The following AFF3 variants were observed in gnomAD, a reference collection of about 807,000 sequenced individuals.
AFF3 encodes ALF transcription elongation factor 3.
Under a neutral mutation model 129.7 loss-of-function variants are expected in AFF3, and 32 were observed. That is an observed-to-expected ratio of 0.25 (90% confidence interval 0.19 to 0.33). The LOEUF is 0.33. AFF3 is among the 10% of genes least tolerant of loss of function. The probability of loss-of-function intolerance (pLI) is 1.00; values close to 1 mark genes in which losing one functional copy is unlikely to be tolerated. For missense variants in AFF3, 1,373 were observed against 1,592.0 expected (o/e 0.86, Z 2.34); for synonymous variants, 644 against 635.4 (o/e 1.01, Z -0.20).
At chr2:99,998,462 G>A (rs146892072) in intron 7 of AFF3, among the ~76,000 whole-genome samples, 21 of 152,134 alleles carry the variant, frequency 1.4e-4, no homozygotes, top group African/African-American at 2.9e-4. Flanking sequence ...GGTCTTCATC[G>A]CTGATGGAGA....
intron 4 of AFF3, among the ~76,000 whole-genome samples, chr2:100,083,779 C>G (rs1020084713): frequency 5.9e-5 from 9 of 152,116 alleles, no homozygotes; most frequent in African/African-American, 1.9e-4. Flanking sequence ...GTTAAGGATC[C>G]TCAGCTTTAC....
At chr2:99,669,088 C>A (rs1421407049) in intron 12 of AFF3, among the ~76,000 whole-genome samples, 1 of 152,152 alleles carries the variant, frequency 6.6e-6, no homozygotes, top group East Asian at 1.9e-4. Context: ...TCGACTGGTA[C>A]AACCATTTTG....
chr2:99,947,557 G>A (rs1322565342), intron 7 of AFF3, among the ~76,000 whole-genome samples: 10 of 135,664 alleles, frequency 7.4e-5, no homozygotes, highest in African/African-American at 3.2e-4. Context: ...AAGAAAGAGA[G>A]AGAAAGAGAA....
Position 99,549,869 on chromosome 2 carries a change from A to G in AFF3, c.*1605T>C, listed in dbSNP as rs1056445112. On this transcript the variant is annotated 3_prime_UTR_variant, in exon 25 of 25. Coordinates refer to ENST00000672756, the MANE Select transcript of AFF3 (RefSeq NM_001386135.1). ...CCTGTAAGAATATCAGTGAATGTTTATGGATCAGCATCTAGTCTAAGTATT... is the reference window on the plus strand; with the variant it reads ...CCTGTAAGAATATCAGTGAATGTTTGTGGATCAGCATCTAGTCTAAGTATT... 3 of 225,376 alleles carry G rather than the reference A, an allele frequency of 1.3e-5. No homozygotes were observed. The highest frequency in any genetic ancestry group is 6.7e-5 in the African/African-American group (3 of 44,932). 14.0% of individuals were successfully genotyped at this position (225,376 alleles called of 1,614,324 possible).
intron 4 of AFF3, among the ~76,000 whole-genome samples, chr2:100,009,290 C>T (rs575520382): frequency 2.6e-4 from 40 of 151,558 alleles, no homozygotes; most frequent in African/African-American, 9.0e-4. Flanking sequence ...TTCTCTATGA[C>T]AGAGCTTCTG....
Position 100,105,711 on chromosome 2 carries a change from C to T in AFF3, c.-144-128G>A, listed in dbSNP as rs927023061. The T allele has an allele frequency of 5.9e-6, 8 of 1,360,202 alleles. No individual in the cohort carries two copies. The African/African-American group carries it at 7.3e-5, about 12-fold the overall frequency. 84.3% of individuals were successfully genotyped at this position (1,360,202 alleles called of 1,614,324 possible). A position where few individuals can be genotyped will look rare whatever the true frequency, so the allele number is the denominator to read the frequency against. On this transcript the variant is annotated intron_variant, in intron 2 of 24. Transcript: ENST00000672756. ...TGAGAAGCGCATGTCTCCATCAGGGCCCTACCTCTGCTTCTCCACAGTTGG... is the reference window on the plus strand; with the variant it reads ...TGAGAAGCGCATGTCTCCATCAGGGTCCTACCTCTGCTTCTCCACAGTTGG...
At chr2:99,724,867 C>T (rs980763417) in intron 11 of AFF3, among the ~76,000 whole-genome samples, 20 of 152,242 alleles carry the variant, frequency 1.3e-4, no homozygotes, top group South Asian at 4.1e-4. Flanking sequence ...CCTAAGAAAC[C>T]GTTTTGCTCA....
At chr2:99,618,158 G>T (rs957209367) in intron 13 of AFF3, among the ~76,000 whole-genome samples, 6 of 151,538 alleles carry the variant, frequency 4.0e-5, no homozygotes, top group African/African-American at 1.5e-4. Context: ...ACATTTAAAG[G>T]GGTAACAAAA....
rs116738873 is a variant in AFF3, at chr2:100,129,277, G to C, written c.-198C>G. The C allele has an allele frequency of 6.6e-6, 1 of 152,036 alleles. No homozygotes were observed. Among genetic ancestry groups the C allele is most frequent in the East Asian group, 1.9e-4 (1 of 5,192 alleles). 9.4% of individuals were successfully genotyped at this position (152,036 alleles called of 1,614,324 possible). A position where few individuals can be genotyped will look rare whatever the true frequency, so the allele number is the denominator to read the frequency against. On this transcript the variant is annotated 5_prime_UTR_variant, in exon 2 of 25. Coordinates refer to ENST00000672756, the MANE Select transcript of AFF3 (RefSeq NM_001386135.1). Reference sequence around the variant, plus strand: ...TTCCCGATGTAAACAATGGCTGATCGTAAGGTCTAAATCATATGTGTGAAA... The same window carrying C: ...TTCCCGATGTAAACAATGGCTGATCCTAAGGTCTAAATCATATGTGTGAAA...
chr2:100,086,405 C>A (rs1274156234), intron 4 of AFF3, among the ~76,000 whole-genome samples: 1 of 151,908 alleles, frequency 6.6e-6, no homozygotes, highest in African/African-American at 2.4e-5. Flanking sequence ...CCTGTAATCC[C>A]AGCTACTTGG....
chr2:99,733,039 G>C (rs1358562689), intron 10 of AFF3, among the ~76,000 whole-genome samples: 8 of 151,900 alleles, frequency 5.3e-5, no homozygotes, highest in Admixed American at 5.2e-4. Context: ...CTCAATAAGA[G>C]TCATACATAT....
intron 1 of AFF3, among the ~76,000 whole-genome samples, chr2:100,140,577 C>T (rs1399696489): frequency 1.3e-5 from 2 of 152,130 alleles, no homozygotes; most frequent in African/African-American, 2.4e-5. Flanking sequence ...ATTGCAATGG[C>T]TCAGATACAA....
At chr2:100,087,202 C>T (rs1207044921) in intron 4 of AFF3, among the ~76,000 whole-genome samples, 1 of 152,168 alleles carries the variant, frequency 6.6e-6, no homozygotes, top group African/African-American at 2.4e-5. Context: ...GATACTGTTT[C>T]AGACATTTAT....
chr2:99,941,553 A>G (rs928143294), intron 7 of AFF3, among the ~76,000 whole-genome samples: 3 of 152,204 alleles, frequency 2.0e-5, no homozygotes, highest in African/African-American at 4.8e-5. Flanking sequence ...TGGATAAGGC[A>G]ATGTAACCAA....
At chr2:99,853,751 A>G (rs1690318977) in intron 7 of AFF3, among the ~76,000 whole-genome samples, 1 of 152,254 alleles carries the variant, frequency 6.6e-6, no homozygotes, top group Non-Finnish European at 1.5e-5. Flanking sequence ...ATTATATGCA[A>G]CAATTCAGTG....
chr2:100,030,134 C>T (rs185692540), intron 4 of AFF3, among the ~76,000 whole-genome samples: 62 of 151,828 alleles, frequency 4.1e-4, no homozygotes, highest in African/African-American at 1.4e-3. Flanking sequence ...TATATATTTA[C>T]CACAATTTTT....
chr2:99,655,455 T>C (rs1268518815), intron 12 of AFF3, among the ~76,000 whole-genome samples: 1 of 152,136 alleles, frequency 6.6e-6, no homozygotes, highest in Non-Finnish European at 1.5e-5. Context: ...GGGAGTGCTC[T>C]AGGCAGGGAA....
chr2:99,557,528 G>A (rs938272748), intron 22 of AFF3, among the ~76,000 whole-genome samples: 1 of 152,130 alleles, frequency 6.6e-6, no homozygotes, highest in Non-Finnish European at 1.5e-5. Flanking sequence ...TGTAGCCCCT[G>A]GCGGCTTACA....
At chr2:99,765,705 C>T (rs990369017) in intron 8 of AFF3, among the ~76,000 whole-genome samples, 2 of 152,220 alleles carry the variant, frequency 1.3e-5, no homozygotes, top group East Asian at 1.9e-4. Context: ...CTTCTGGATT[C>T]GACCTGGTGA....
Sources: gnomAD v4.1 joint callset for allele counts (sites outside exome capture counted in the v4.1 genomes callset) on GRCh38, gnomAD v4.1.1 for gene constraint, MANE v1.5 for transcripts, NCBI Gene and HGNC (gene_info 2026-07-23, HGNC 2026-07-21) for gene names.